ACTR3C: variants seen among roughly 807,000 people sequenced by gnomAD.
The protein encoded by ACTR3C is actin-related protein 3C.
In ACTR3C, 18 loss-of-function variants were observed where a neutral mutation model predicts 26.3. The observed-to-expected ratio is 0.68, with a 90% CI of 0.47 to 1.01. The LOEUF is 1.01. Ranked by LOEUF, ACTR3C falls within the 50% of genes least tolerant of loss-of-function variation. The pLI, the probability that ACTR3C is intolerant of heterozygous loss-of-function variation, is 0.00. For synonymous variants in ACTR3C, 55 were observed against 94.5 expected, an observed-to-expected ratio of 0.58 and a Z score of 2.42; for missense variants, 184 against 250.7, an observed-to-expected ratio of 0.73 and a Z score of 1.80.
chr7:149,910,577 CTAAT>C, the ACTR3C span, among the ~76,000 whole-genome samples: 5,750 of 152,054 alleles, frequency 0.038, 93 homozygotes, highest in Non-Finnish European at 0.062. Flanking sequence ...TAGGACTACT[CTAAT>C]TAACAGTAAC....
chr7:150,036,197 G>T, the ACTR3C span, among the ~76,000 whole-genome samples: 20 of 146,430 alleles, frequency 1.4e-4, 1 homozygote, highest in South Asian at 6.4e-4. Context: ...AGCCAGGGGG[G>T]AAGAGGGGAT....
intron 6 of ACTR3C, among the ~76,000 whole-genome samples, chr7:150,258,337 C>T (rs1833377109): frequency 6.7e-6 from 1 of 150,132 alleles, no homozygotes; most frequent in African/African-American, 2.4e-5. Context: ...CTTCTTTATA[C>T]TGAGGAAAAA....
the ACTR3C span, among the ~76,000 whole-genome samples, chr7:150,024,410 G>GCCA: frequency 6.6e-6 from 1 of 151,188 alleles, no homozygotes; most frequent in Non-Finnish European, 1.5e-5. Context: ...TGGGTCCCCC[G>GCCA]GCTCTCTCTG....
the ACTR3C span, among the ~76,000 whole-genome samples, chr7:150,119,972 T>A: frequency 1.3e-5 from 2 of 152,172 alleles, no homozygotes; most frequent in Non-Finnish European, 2.9e-5. Context: ...AACAACCTGC[T>A]CCTGAATGAC....
intron 6 of ACTR3C, 38 bp downstream of exon 6, chr7:150,284,715 G>A: frequency 6.6e-7 from 1 of 1,511,890 alleles, no homozygotes; most frequent in Non-Finnish European, 9.0e-7. Context: ...CTTTAATTGT[G>A]GAATGAAATC....
chr7:150,085,372 C>T, the ACTR3C span, among the ~76,000 whole-genome samples: 4 of 151,988 alleles, frequency 2.6e-5, no homozygotes, highest in Admixed American at 6.6e-5. Flanking sequence ...AAGACAGAAC[C>T]GGTTGAGGAA....
At chr7:150,239,546 A>C (rs777107924), downstream of ACTR3C, among the ~76,000 whole-genome samples, 642 of 128,140 alleles carry the variant, frequency 5.0e-3, 19 homozygotes, top group South Asian at 7.6e-3. Context: ...CTCTCTATAT[A>C]TATATATATA....
At chr7:150,199,399 T>G in the ACTR3C span, among the ~76,000 whole-genome samples, 20 of 111,006 alleles carry the variant, frequency 1.8e-4, no homozygotes, top group Admixed American at 5.6e-4. Context: ...AACAGATGCT[T>G]GAAGGCAGCA....
At chr7:150,271,284 A>C (rs1834430521) in intron 6 of ACTR3C, among the ~76,000 whole-genome samples, 1 of 146,068 alleles carries the variant, frequency 6.8e-6, no homozygotes, top group Non-Finnish European at 1.5e-5. Context: ...GGTTTGCTGC[A>C]CCCACCAACC....
the ACTR3C span, among the ~76,000 whole-genome samples, chr7:150,220,431 G>C: frequency 4.7e-4 from 69 of 146,662 alleles, no homozygotes; most frequent in Non-Finnish European, 6.5e-4. Flanking sequence ...GCCGAGTCTG[G>C]GCGAGCGCGA....
At chr7:150,121,184 C>T in the ACTR3C span, among the ~76,000 whole-genome samples, 1 of 152,274 alleles carries the variant, frequency 6.6e-6, no homozygotes, top group African/African-American at 2.4e-5. Context: ...CAAGGATGCC[C>T]TCTCTCACCA....
chr7:150,032,986 C>T, the ACTR3C span, among the ~76,000 whole-genome samples: 1 of 152,136 alleles, frequency 6.6e-6, no homozygotes, highest in Non-Finnish European at 1.5e-5. Context: ...TGGAGACTCA[C>T]AGAAGAGCGT....
chr7:150,145,245 A>G, the ACTR3C span, among the ~76,000 whole-genome samples: 1 of 152,048 alleles, frequency 6.6e-6, no homozygotes, highest in East Asian at 1.9e-4. Flanking sequence ...GAGAGTTGGG[A>G]ATATTTAGCT....
the ACTR3C span, among the ~76,000 whole-genome samples, chr7:149,915,953 G>A: frequency 4.0e-5 from 6 of 150,670 alleles, no homozygotes; most frequent in Non-Finnish European, 8.8e-5. Context: ...CAAAAATGAA[G>A]ATGTATACTT....
At chr7:150,226,304 G>C in the ACTR3C span, among the ~76,000 whole-genome samples, 1 of 151,982 alleles carries the variant, frequency 6.6e-6, no homozygotes, top group Non-Finnish European at 1.5e-5. Context: ...GTGTCATTTC[G>C]CATTCCCATA....
chr7:149,964,961 C>A, the ACTR3C span, among the ~76,000 whole-genome samples: 1 of 152,034 alleles, frequency 6.6e-6, no homozygotes, highest in African/African-American at 2.4e-5. Context: ...CCAAATTTGT[C>A]CCTCAAAAAT....
the ACTR3C span, among the ~76,000 whole-genome samples, chr7:149,930,024 A>G: frequency 6.6e-6 from 1 of 152,336 alleles, no homozygotes. Context: ...CATATCCTGT[A>G]TCTATCACAG....
chr7:150,036,690 C>A, the ACTR3C span, among the ~76,000 whole-genome samples: 21 of 138,984 alleles, frequency 1.5e-4, 3 homozygotes, highest in Admixed American at 1.1e-3. Flanking sequence ...TTGCAAATAA[C>A]CTGCTTTCTT....
chr7:150,076,216 GAA>G, the ACTR3C span, among the ~76,000 whole-genome samples: 3 of 145,502 alleles, frequency 2.1e-5, no homozygotes, highest in African/African-American at 2.5e-5. Context: ...GACATAACAG[GAA>G]AAAAAAAAAC....
Sources: gnomAD v4.1 joint callset for allele counts (sites outside exome capture counted in the v4.1 genomes callset) on GRCh38, gnomAD v4.1.1 for gene constraint, MANE v1.5 for transcripts, NCBI Gene and HGNC (gene_info 2026-07-23, HGNC 2026-07-21) for gene names.